CACNA2D1: variants seen among roughly 807,000 people sequenced by gnomAD.
CACNA2D1 encodes voltage-dependent calcium channel subunit alpha-2/delta-1.
CACNA2D1 carries 53 observed loss-of-function variants against 171.5 expected under a neutral mutation model. The ratio of observed to expected loss-of-function variants is 0.31; its 90% CI spans 0.25 to 0.39. CACNA2D1 has a LOEUF of 0.39. Among genes scored for constraint, CACNA2D1 ranks in the 10% least tolerant of loss-of-function variants. The probability of loss-of-function intolerance (pLI) is 1.00; values close to 1 mark genes in which losing one functional copy is unlikely to be tolerated. For missense variants in CACNA2D1, 903 were observed against 1,299.8 expected, an observed-to-expected ratio of 0.69 and a Z score of 4.69; for synonymous variants, 442 against 443.1, an observed-to-expected ratio of 1.00 and a Z score of 0.03.
At chr7:82,212,220 C>T (rs554967693) in intron 3 of CACNA2D1, among the ~76,000 whole-genome samples, 14 of 152,166 alleles carry the variant, frequency 9.2e-5, no homozygotes, top group Admixed American at 3.9e-4. Flanking sequence ...TCAAGGGGCC[C>T]AATAAAGGTT....
At chr7:82,438,718 T>C (rs1345967707) in intron 1 of CACNA2D1, among the ~76,000 whole-genome samples, 1 of 152,176 alleles carries the variant, frequency 6.6e-6, no homozygotes, top group African/African-American at 2.4e-5. Flanking sequence ...GTTGACACAG[T>C]TAGTGACACA....
rs1047024644 is a variant in CACNA2D1 at position 82,252,898 on chromosome 7, A to C, written c.294+82237T>G. On this transcript the variant is annotated intron_variant, in intron 3 of 38. Coordinates refer to ENST00000356860, the MANE Select transcript of CACNA2D1 (RefSeq NM_000722.4). ...GAGTGAGAATTCGTCAGAAAAAAAA[A>C]AACAAACACTTAACCCAGACACAAA... Among the ~76,000 whole-genome samples the C allele has an allele frequency of 1.2e-4, 19 of 152,196 alleles. No individual in the cohort carries two copies. In the East Asian group the frequency reaches 3.3e-3, roughly 26 times the overall value.
At chr7:82,359,062 TC>T (rs1820786349) in intron 1 of CACNA2D1, among the ~76,000 whole-genome samples, 1 of 152,112 alleles carries the variant, frequency 6.6e-6, no homozygotes, top group South Asian at 2.1e-4. Context: ...TCCTTCCACA[TC>T]ACAATTAGTT....
At chr7:82,140,826 G>A (rs1792279813) in intron 4 of CACNA2D1, among the ~76,000 whole-genome samples, 1 of 151,676 alleles carries the variant, frequency 6.6e-6, no homozygotes, top group South Asian at 2.1e-4. Context: ...GTGGTGGCGG[G>A]CACCTGTGGT....
At chr7:82,058,434 A>G (rs940189321) in intron 10 of CACNA2D1, among the ~76,000 whole-genome samples, 1 of 152,200 alleles carries the variant, frequency 6.6e-6, no homozygotes, top group Non-Finnish European at 1.5e-5. Flanking sequence ...TAGTATTTTT[A>G]AAGAACTATC....
chr7:82,016,684 T>C (rs546657413), intron 12 of CACNA2D1, among the ~76,000 whole-genome samples: 18 of 149,458 alleles, frequency 1.2e-4, no homozygotes, highest in African/African-American at 4.2e-4. Flanking sequence ...TTCTACGTGT[T>C]TGCTTACATG....
intron 3 of CACNA2D1, among the ~76,000 whole-genome samples, chr7:82,241,652 G>C (rs1804301258): frequency 6.6e-6 from 1 of 151,978 alleles, no homozygotes; most frequent in Non-Finnish European, 1.5e-5. Context: ...GAAGCAGAGG[G>C]GGGAGGAAGA....
intron 1 of CACNA2D1, among the ~76,000 whole-genome samples, chr7:82,432,726 C>T (rs969947684): frequency 5.3e-5 from 8 of 152,196 alleles, no homozygotes; most frequent in Non-Finnish European, 1.2e-4. Context: ...CTACTGGGGG[C>T]AGGAAGCACC....
chr7:82,305,053 G>T (rs1220576580), intron 3 of CACNA2D1, among the ~76,000 whole-genome samples: 1 of 152,080 alleles, frequency 6.6e-6, no homozygotes, highest in Non-Finnish European at 1.5e-5. Context: ...ATTGCTATTA[G>T]TCTCAAATAG....
At chr7:82,290,900 C>T (rs1392683260) in intron 3 of CACNA2D1, among the ~76,000 whole-genome samples, 1 of 151,326 alleles carries the variant, frequency 6.6e-6, no homozygotes, top group Non-Finnish European at 1.5e-5. Context: ...CCAGTGAAAG[C>T]ATTATTTTTA....
chr7:82,275,089 A>C (rs1310968445), intron 3 of CACNA2D1, among the ~76,000 whole-genome samples: 1 of 152,226 alleles, frequency 6.6e-6, no homozygotes, highest in Non-Finnish European at 1.5e-5. Context: ...TATGAAATAT[A>C]TAGACTGCTT....
At chr7:82,265,449 A>C (rs1389821243) in intron 3 of CACNA2D1, among the ~76,000 whole-genome samples, 1 of 63,332 alleles carries the variant, frequency 1.6e-5, no homozygotes, top group African/African-American at 5.4e-5. Flanking sequence ...GTGTCAGTAT[A>C]ATTTTTGTCC....
intron 3 of CACNA2D1, among the ~76,000 whole-genome samples, chr7:82,254,165 T>C (rs1186256451): frequency 4.6e-5 from 7 of 152,150 alleles, no homozygotes; most frequent in Non-Finnish European, 8.8e-5. Flanking sequence ...ATTTGGTTAA[T>C]TCTTTTTCTG....
At chr7:82,046,077 A>G (rs533651639) in intron 10 of CACNA2D1, among the ~76,000 whole-genome samples, 18 of 152,276 alleles carry the variant, frequency 1.2e-4, no homozygotes, top group Admixed American at 4.6e-4. Context: ...TAAATTAGAA[A>G]AACTGCTATC....
At chr7:81,992,140 GCC>G (rs1463580625) in intron 20 of CACNA2D1, among the ~76,000 whole-genome samples, 1 of 151,672 alleles carries the variant, frequency 6.6e-6, no homozygotes, top group Non-Finnish European at 1.5e-5. Context: ...ACCGCTCTCA[GCC>G]GCTGGCACAT....
At chr7:82,073,567 G>C (rs1191869406) in intron 7 of CACNA2D1, among the ~76,000 whole-genome samples, 1 of 151,932 alleles carries the variant, frequency 6.6e-6, no homozygotes, top group Non-Finnish European at 1.5e-5. Flanking sequence ...GATTGCTTTG[G>C]GGGCAAGTCT....
At position 82,061,483 on chromosome 7, in the gene CACNA2D1, T is replaced by A. The variant is rs376409496; in HGVS notation, c.780-956A>T. 3.9e-5 allele frequency among the ~76,000 whole-genome samples: 6 copies of A among 152,266 alleles called. No individual in the cohort carries two copies. In the South Asian group the frequency reaches 1.0e-3, roughly 26 times the overall value. ...CTAGAAACACATCCTGACCTAATATTTTTAACAGCTCATAGATACCGACTA... is the reference window on the plus strand; with the variant it reads ...CTAGAAACACATCCTGACCTAATATATTTAACAGCTCATAGATACCGACTA... On this transcript the variant is annotated intron_variant, in intron 9 of 38. Coordinates refer to ENST00000356860, the MANE Select transcript of CACNA2D1 (RefSeq NM_000722.4).
intron 1 of CACNA2D1, among the ~76,000 whole-genome samples, chr7:82,441,487 C>T (rs2129460068): frequency 1.3e-5 from 2 of 152,150 alleles, no homozygotes; most frequent in South Asian, 4.2e-4. Context: ...GTCCTACTTC[C>T]CATTTTAACC....
intron 3 of CACNA2D1, among the ~76,000 whole-genome samples, chr7:82,255,681 A>G (rs548458326): frequency 6.6e-6 from 1 of 152,248 alleles, no homozygotes; most frequent in African/African-American, 2.4e-5. Flanking sequence ...GGGAACAATC[A>G]GAATATACTG....
Sources: allele counts gnomAD v4.1 joint callset (sites outside exome capture counted in the v4.1 genomes callset), GRCh38; gene constraint gnomAD v4.1.1; transcripts MANE v1.5; gene names NCBI Gene and HGNC (gene_info 2026-07-23, HGNC 2026-07-21).